Variants in XIST observed in about 807,000 individuals in gnomAD.
The protein encoded by XIST is X inactive specific transcript (non-protein coding).
chrX:73,839,760 T>C (rs1311398411), intron 1 of XIST, among the ~76,000 whole-genome samples: 1 of 110,260 alleles, frequency 9.1e-6, no homozygotes, highest in African/African-American at 3.3e-5. Flanking sequence ...GTGGAAATTA[T>C]TTCAAGCAAT....
exon 6 of XIST, chrX:73,827,140 TG>T (rs769091697): frequency 1.8e-6 from 1 of 556,608 alleles, no homozygotes; most frequent in African/African-American, 2.2e-5. Flanking sequence ...ACTTGAGTTC[TG>T]GGTTTTACTG....
At chrX:73,822,369 G>A (rs1922141368) in exon 6 of XIST, 7 of 533,850 alleles carry the variant, frequency 1.3e-5, no homozygotes, top group Non-Finnish European at 2.0e-5. Context: ...TAGGGACTAA[G>A]CCATGCCCCT....
At chrX:73,826,940 TCAG>T (rs1922268916) in exon 6 of XIST, 1 of 556,773 alleles carries the variant, frequency 1.8e-6, no homozygotes, top group Non-Finnish European at 3.2e-6. Flanking sequence ...TCCATCCAAC[TCAG>T]GCCTTCGGTC....
At chrX:73,831,200 T>C in exon 4 of XIST, 1 of 554,206 alleles carries the variant, frequency 1.8e-6, no homozygotes, top group East Asian at 3.3e-5. Flanking sequence ...TCATGCCCCA[T>C]CTCCACCTAG....
At chrX:73,829,568 A>G (rs1309801303) in intron 4 of XIST, 1 of 139,632 alleles carries the variant, frequency 7.2e-6, no homozygotes, top group Non-Finnish European at 1.4e-5. Context: ...AGGTGGGCGG[A>G]TCACCTGAGG....
exon 6 of XIST, chrX:73,827,691 G>A (rs759499507): frequency 5.5e-6 from 3 of 549,055 alleles, no homozygotes; most frequent in African/African-American, 2.2e-5. Flanking sequence ...GAAAGGAGAG[G>A]TAGACAGAAC....
chrX:73,827,204 A>G (rs1275075229), exon 6 of XIST: 2 of 556,569 alleles, frequency 3.6e-6, no homozygotes, highest in Non-Finnish European at 3.2e-6. Context: ...AGCCTGGCAT[A>G]AGGAACCGCT....
chrX:73,844,808 G>C, exon 1 of XIST: 1 of 557,665 alleles, frequency 1.8e-6, no homozygotes, highest in Non-Finnish European at 3.2e-6. Context: ...TAGGCCGTGT[G>C]CAGTTACACA....
exon 1 of XIST, chrX:73,852,409 G>A (rs1245938752): frequency 3.7e-6 from 2 of 545,550 alleles, no homozygotes; most frequent in Non-Finnish European, 6.6e-6. Context: ...GAGTGGAAGA[G>A]TAAAAAACTG....
intron 3 of XIST, among the ~76,000 whole-genome samples, chrX:73,832,649 A>T (rs143228230): frequency 1.8e-3 from 202 of 111,550 alleles, no homozygotes; most frequent in Middle Eastern, 4.6e-3. Context: ...GCCACTAATC[A>T]AAAGGTGTTA....
exon 6 of XIST, chrX:73,825,631 C>G: frequency 1.9e-6 from 1 of 513,024 alleles, no homozygotes; most frequent in Non-Finnish European, 3.5e-6. Flanking sequence ...TGATTTTGAC[C>G]TTATAAAAAC....
At chrX:73,849,149 G>A in exon 1 of XIST, 1 of 559,324 alleles carries the variant, frequency 1.8e-6, no homozygotes, top group African/African-American at 2.2e-5. Context: ...GCGACTGGTA[G>A]TCTTCATGAT....
At chrX:73,850,754 G>T in exon 1 of XIST, 1 of 270,628 alleles carries the variant, frequency 3.7e-6, no homozygotes, top group Non-Finnish European at 6.9e-6. Flanking sequence ...GGAGTTGGGG[G>T]GGTTGGGGGG....
chrX:73,832,071 AC>A (rs1209709318), intron 3 of XIST, among the ~76,000 whole-genome samples: 1 of 112,427 alleles, frequency 8.9e-6, no homozygotes, highest in Non-Finnish European at 1.9e-5. Flanking sequence ...GTGGTGGCTC[AC>A]GCCTGTAATC....
exon 1 of XIST, chrX:73,850,832 A>C (rs1922917572): frequency 9.6e-6 from 5 of 520,161 alleles, no homozygotes; most frequent in Middle Eastern, 3.5e-4. Flanking sequence ...GGTTCAGACC[A>C]CACAGCCAGA....
At chrX:73,827,893 A>C (rs765082938) in exon 6 of XIST, 2 of 526,948 alleles carry the variant, frequency 3.8e-6, no homozygotes, top group African/African-American at 2.3e-5. Context: ...ACACGAAAGA[A>C]ATTAGCAAGA....
chrX:73,847,961 G>A lies in XIST; in HGVS notation n.4763C>T, dbSNP rs1218951206. ...CTGAAAGACATTGTTGTGATCAGTTGCCATGGTTCACATTAACTATCCTAG... is the reference window on the plus strand; with the variant it reads ...CTGAAAGACATTGTTGTGATCAGTTACCATGGTTCACATTAACTATCCTAG... On this transcript the variant is annotated non_coding_transcript_exon_variant, in exon 1 of 6. Coordinates refer to ENST00000429829, the Ensembl canonical transcript of XIST. 1 of 557,571 alleles carries A rather than the reference G, an allele frequency of 1.8e-6. No individual in the cohort carries two copies. The highest frequency in any genetic ancestry group is 3.2e-6 in the Non-Finnish European group (1 of 309,206). 46.0% of individuals were successfully genotyped at this position (557,571 alleles called of 1,213,427 possible). A position where few individuals can be genotyped will look rare whatever the true frequency, so the allele number is the denominator to read the frequency against.
intron 4 of XIST, among the ~76,000 whole-genome samples, chrX:73,829,687 G>A (rs1392924785): frequency 1.9e-5 from 2 of 107,848 alleles, no homozygotes; most frequent in Non-Finnish European, 3.8e-5. Context: ...CTACTTGGGA[G>A]GCTGAGGCAG....
chrX:73,830,268 T>C (rs1922353024), intron 4 of XIST, among the ~76,000 whole-genome samples: 1 of 112,426 alleles, frequency 8.9e-6, no homozygotes, highest in Admixed American at 9.4e-5. Flanking sequence ...TCCTAGACTT[T>C]CTAACAATTT....
Sources: gnomAD v4.1 joint callset for allele counts (sites outside exome capture counted in the v4.1 genomes callset) on GRCh38, gnomAD v4.1.1 for gene constraint, MANE v1.5 for transcripts, NCBI Gene and HGNC (gene_info 2026-07-23, HGNC 2026-07-21) for gene names.